RFX3: variants seen among roughly 807,000 people sequenced by gnomAD.
RFX3 encodes the protein transcription factor RFX3.
Under a neutral mutation model 98.6 loss-of-function variants are expected in RFX3, and 14 were observed. The ratio of observed to expected loss-of-function variants is 0.14; its 90% CI spans 0.09 to 0.22. The LOEUF (loss-of-function observed/expected upper bound fraction) is 0.22, where lower values mean the gene tolerates loss of function less well. Ranked by LOEUF, RFX3 falls within the 10% of genes least tolerant of loss-of-function variation. RFX3 has a pLI of 1.00. For missense variants in RFX3, 639 were observed against 926.9 expected, an observed-to-expected ratio of 0.69 and a Z score of 4.03; for synonymous variants, 383 against 328.4, an observed-to-expected ratio of 1.17 and a Z score of -1.80.
chr9:3,321,191 ACCGCCC>A (rs934451707), intron 4 of RFX3, among the ~76,000 whole-genome samples: 35 of 152,220 alleles, frequency 2.3e-4, no homozygotes, highest in Admixed American at 1.6e-3. Context: ...CACGTGAGCC[ACCGCCC>A]CCGACCCCAA....
At chr9:3,433,638 G>GT (rs1041385515) in intron 1 of RFX3, among the ~76,000 whole-genome samples, 1 of 152,158 alleles carries the variant, frequency 6.6e-6, no homozygotes, top group African/African-American at 2.4e-5. Context: ...TATTTCATTT[G>GT]TATTGTAGAT....
intron 1 of RFX3, among the ~76,000 whole-genome samples, chr9:3,439,258 T>A (rs1216244802): frequency 6.6e-6 from 1 of 151,896 alleles, no homozygotes; most frequent in African/African-American, 2.4e-5. Context: ...GCTTCCACCC[T>A]GAGAAATCAG....
At chr9:3,511,882 A>G (rs1417569570) in intron 1 of RFX3, among the ~76,000 whole-genome samples, 1 of 152,098 alleles carries the variant, frequency 6.6e-6, no homozygotes, top group Non-Finnish European at 1.5e-5. Context: ...TGATTTAGAA[A>G]TGCTGTGCTT....
At chr9:3,354,818 TTCTTA>T (rs1482940732) in intron 2 of RFX3, among the ~76,000 whole-genome samples, 1 of 151,926 alleles carries the variant, frequency 6.6e-6, no homozygotes, top group Non-Finnish European at 1.5e-5. Context: ...ATTTTTTGTT[TTCTTA>T]TCTTTTACTT....
chr9:3,374,695 CA>C (rs1224744853), intron 2 of RFX3, among the ~76,000 whole-genome samples: 2 of 151,916 alleles, frequency 1.3e-5, no homozygotes, highest in East Asian at 1.9e-4. Flanking sequence ...CAGCAGTTAC[CA>C]GGGGGAAATG....
In RFX3 at chr9:3,287,616, C is replaced by G. The variant is rs1031885066; in HGVS notation, c.851+515G>C. Among the ~76,000 whole-genome samples, 10 of 151,934 alleles carry G rather than the reference C, an allele frequency of 6.6e-5. No individual in the cohort carries two copies. In the East Asian group the frequency reaches 1.9e-3, roughly 29 times the overall value. On this transcript the variant is annotated intron_variant, in intron 7 of 16. Coordinates refer to ENST00000617270, the MANE Select transcript of RFX3 (RefSeq NM_001282116.2). Reference sequence around the variant, plus strand: ...CTATTCATCCGTCCATCCATCCGTCCATACGTCCATCCATCCATCATTCAT... The same window carrying G: ...CTATTCATCCGTCCATCCATCCGTCGATACGTCCATCCATCCATCATTCAT...
chr9:3,478,467 G>T (rs1427412652), intron 1 of RFX3, among the ~76,000 whole-genome samples: 1 of 147,090 alleles, frequency 6.8e-6, no homozygotes, highest in East Asian at 2.0e-4. Flanking sequence ...CTTCCAAGAA[G>T]TCATACCTGG....
chr9:3,249,080 T>C (rs1821050530), intron 14 of RFX3, among the ~76,000 whole-genome samples: 1 of 152,066 alleles, frequency 6.6e-6, no homozygotes, highest in African/African-American at 2.4e-5. Context: ...TTTCATTTAC[T>C]GACCTTTTTC....
intron 1 of RFX3, chr9:3,490,198 G>T: frequency 2.6e-6 from 1 of 381,262 alleles, no homozygotes; most frequent in Non-Finnish European, 3.6e-6. Context: ...TCAGACATGA[G>T]ACTCCATATA....
At chr9:3,281,959 GTGGCTGAAAAA>G (rs1457262275) in intron 7 of RFX3, among the ~76,000 whole-genome samples, 1 of 151,764 alleles carries the variant, frequency 6.6e-6, no homozygotes, top group Non-Finnish European at 1.5e-5. Flanking sequence ...TCCTTTCAAA[GTGGCTGAAAAA>G]TGCACATGCA....
intron 2 of RFX3, among the ~76,000 whole-genome samples, chr9:3,367,755 T>G (rs1427089379): frequency 2.0e-5 from 3 of 152,212 alleles, no homozygotes; most frequent in Admixed American, 2.0e-4. Context: ...ATCCTTAATT[T>G]CCTGCTAAAT....
intron 2 of RFX3, among the ~76,000 whole-genome samples, chr9:3,355,081 T>C (rs562403347): frequency 5.1e-4 from 78 of 151,610 alleles, no homozygotes; most frequent in African/African-American, 1.7e-3. Flanking sequence ...AATCTTTGAA[T>C]ACTAAAGAAA....
intron 6 of RFX3, among the ~76,000 whole-genome samples, chr9:3,292,210 G>A (rs12115565): frequency 6.8e-6 from 1 of 148,136 alleles, no homozygotes; most frequent in Non-Finnish European, 1.5e-5. Context: ...ATTTCTATAA[G>A]ATTTAGGAAA....
chr9:3,448,955 C>A (rs1269930224), intron 1 of RFX3, among the ~76,000 whole-genome samples: 1 of 152,178 alleles, frequency 6.6e-6, no homozygotes, highest in African/African-American at 2.4e-5. Flanking sequence ...AGAATTTGCA[C>A]CTATGCTACA....
At chr9:3,423,814 T>TATATATATATATTTATA (rs1554704389) in intron 1 of RFX3, among the ~76,000 whole-genome samples, 1 of 137,788 alleles carries the variant, frequency 7.3e-6, no homozygotes, top group Non-Finnish European at 1.6e-5. Context: ...TATATATATC[T>TATATATATATATTTATA]TAAGGTAATT....
intron 2 of RFX3, among the ~76,000 whole-genome samples, chr9:3,380,856 T>G (rs1253639936): frequency 6.6e-6 from 1 of 152,194 alleles, no homozygotes; most frequent in African/African-American, 2.4e-5. Flanking sequence ...GTGCTATTTT[T>G]ATACTGAACA....
intron 1 of RFX3, among the ~76,000 whole-genome samples, chr9:3,457,764 T>C (rs1847324440): frequency 2.0e-5 from 3 of 152,132 alleles, no homozygotes; most frequent in Admixed American, 2.0e-4. Context: ...CTCCACACAC[T>C]TCATTCATTC....
intron 1 of RFX3, among the ~76,000 whole-genome samples, chr9:3,409,949 T>C (rs1403404326): frequency 1.3e-5 from 2 of 152,052 alleles, no homozygotes; most frequent in African/African-American, 4.8e-5. Flanking sequence ...TCTAATAGGC[T>C]ATGGTTAATA....
chr9:3,447,718 T>C (rs114078648), intron 1 of RFX3, among the ~76,000 whole-genome samples: 1,810 of 152,294 alleles, frequency 0.012, 33 homozygotes, highest in African/African-American at 0.041. Flanking sequence ...GATAATAGTC[T>C]ATAAAATGAA....
Sources: gnomAD v4.1 joint callset for allele counts (sites outside exome capture counted in the v4.1 genomes callset) on GRCh38, gnomAD v4.1.1 for gene constraint, MANE v1.5 for transcripts, NCBI Gene and HGNC (gene_info 2026-07-23, HGNC 2026-07-21) for gene names.